The following SYT14 variants were observed in gnomAD, a reference collection of about 807,000 sequenced individuals.
SYT14 encodes synaptotagmin 14.
In SYT14, 32 loss-of-function variants were observed where a neutral mutation model predicts 74.2. The ratio of observed to expected loss-of-function variants is 0.43; its 90% CI spans 0.33 to 0.58. The LOEUF is 0.58. SYT14 is among the 20% of genes least tolerant of loss of function. The probability of loss-of-function intolerance (pLI) is 0.05; values close to 1 mark genes in which losing one functional copy is unlikely to be tolerated. For synonymous variants in SYT14, 298 were observed against 337.7 expected, an observed-to-expected ratio of 0.88 and a Z score of 1.29; for missense variants, 791 against 981.8, an observed-to-expected ratio of 0.81 and a Z score of 2.60.
intron 5 of SYT14, among the ~76,000 whole-genome samples, chr1:210,084,170 A>T (rs2081672563): frequency 6.6e-6 from 1 of 152,220 alleles, no homozygotes; most frequent in South Asian, 2.1e-4. Context: ...ATCCTCAGTC[A>T]TCTGGAGAGA....
chr1:210,166,512 G>A (rs1021225747), exon 10 of SYT14: 3 of 152,084 alleles, frequency 2.0e-5, no homozygotes, highest in Non-Finnish European at 4.4e-5. Flanking sequence ...GCTGCAGTGA[G>A]CCAAGATAGC....
At chr1:210,000,315 A>G (rs1420130712) in intron 2 of SYT14, among the ~76,000 whole-genome samples, 1 of 152,152 alleles carries the variant, frequency 6.6e-6, no homozygotes, top group Non-Finnish European at 1.5e-5. Flanking sequence ...CTGCAAGGGT[A>G]GTAGAGTTGT....
chr1:210,123,496 G>A (rs961923683), intron 7 of SYT14, among the ~76,000 whole-genome samples: 1 of 152,214 alleles, frequency 6.6e-6, no homozygotes, highest in African/African-American at 2.4e-5. Context: ...CCTGTGAGAT[G>A]TATAGTTGTA....
At position 210,106,630 on chromosome 1, in the gene SYT14, G is replaced by A. The variant is rs562283737; in HGVS notation, c.2034+6169G>A. ...TAAAACCATCAGATCTCTTGAGAAC[G>A]AACTCACTCTTATGAGAACAGCATA... On this transcript the variant is annotated intron_variant, in intron 7 of 9. Coordinates refer to ENST00000637265, the Ensembl canonical transcript of SYT14. Among the ~76,000 whole-genome samples the A allele has an allele frequency of 2.0e-3, 304 of 152,220 alleles. 3 individuals carry two copies. The highest frequency in any genetic ancestry group is 7.5e-3 in the South Asian group (36 of 4,824).
In SYT14 at chr1:209,957,247, C is replaced by T. The variant is rs929418798; in HGVS notation, c.-486+4491C>T. Among the ~76,000 whole-genome samples the T allele has an allele frequency of 5.3e-5, 8 of 152,126 alleles. No homozygotes were observed. In the East Asian group the frequency reaches 9.6e-4, roughly 18 times the overall value. On this transcript the variant is annotated intron_variant, in intron 2 of 9. Transcript: ENST00000637265. ...GCTGTCTTCTCTCTTCTCTCTCTCTCGTAGCTTTTCTCTTCCTTTGTTTAC... is the reference window on the plus strand; with the variant it reads ...GCTGTCTTCTCTCTTCTCTCTCTCTTGTAGCTTTTCTCTTCCTTTGTTTAC...
At chr1:209,962,018 A>G (rs2079082556) in intron 2 of SYT14, among the ~76,000 whole-genome samples, 1 of 152,136 alleles carries the variant, frequency 6.6e-6, no homozygotes, top group African/African-American at 2.4e-5. Context: ...ATGCAAATCC[A>G]GTAAAATAAT....
intron 7 of SYT14, among the ~76,000 whole-genome samples, chr1:210,108,736 T>C (rs2082204652): frequency 6.6e-6 from 1 of 151,824 alleles, no homozygotes; most frequent in South Asian, 2.1e-4. Flanking sequence ...ACTTAAATGG[T>C]AGATCATGAA....
chr1:210,052,240 A>G (rs2081009861), intron 5 of SYT14, among the ~76,000 whole-genome samples: 1 of 151,034 alleles, frequency 6.6e-6, no homozygotes, highest in East Asian at 2.0e-4. Flanking sequence ...TTTTTTTCTG[A>G]TACAGAGTCT....
intron 2 of SYT14, among the ~76,000 whole-genome samples, chr1:209,977,632 C>G (rs1009612386): frequency 8.5e-5 from 13 of 152,152 alleles, no homozygotes; most frequent in African/African-American, 3.1e-4. Flanking sequence ...TCTGGCTGCC[C>G]TTAACATTTT....
At chr1:210,046,356 A>G (rs896071796) in intron 5 of SYT14, among the ~76,000 whole-genome samples, 6 of 152,232 alleles carry the variant, frequency 3.9e-5, no homozygotes, top group Admixed American at 6.5e-5. Flanking sequence ...CCTGGGTGAC[A>G]AAACAAGACT....
intron 6 of SYT14, among the ~76,000 whole-genome samples, chr1:210,096,617 AT>A (rs1330010753): frequency 6.6e-6 from 1 of 152,206 alleles, no homozygotes; most frequent in African/African-American, 2.4e-5. Context: ...CAGAGTTGAA[AT>A]TTGAACAAGG....
intron 7 of SYT14, among the ~76,000 whole-genome samples, chr1:210,142,965 A>T (rs1241502837): frequency 6.6e-6 from 1 of 152,210 alleles, no homozygotes; most frequent in East Asian, 1.9e-4. Context: ...ACGGAGAAAA[A>T]TGAGACTTTC....
chr1:209,992,290 G>A (rs2079704589), intron 2 of SYT14, among the ~76,000 whole-genome samples: 1 of 151,976 alleles, frequency 6.6e-6, no homozygotes, highest in African/African-American at 2.4e-5. Flanking sequence ...GACTACAGAT[G>A]CACACCACCA....
chr1:210,158,664 G>A (rs993731809), intron 8 of SYT14, among the ~76,000 whole-genome samples: 2 of 152,106 alleles, frequency 1.3e-5, no homozygotes, highest in Non-Finnish European at 2.9e-5. Context: ...TCAGGTTACA[G>A]AATAGGTATA....
chr1:210,007,679 G>A (rs2080014190), intron 2 of SYT14, among the ~76,000 whole-genome samples: 2 of 151,910 alleles, frequency 1.3e-5, no homozygotes, highest in African/African-American at 4.8e-5. Context: ...ATGTTACTTT[G>A]GTCATATAGC....
At chr1:210,147,275 A>T (rs187519146) in intron 7 of SYT14, among the ~76,000 whole-genome samples, 72 of 152,326 alleles carry the variant, frequency 4.7e-4, no homozygotes, top group Admixed American at 4.2e-3. Context: ...AATGAAAAAT[A>T]TGAAAAAGTT....
At chr1:210,087,859 G>T (rs1423331152) in intron 5 of SYT14, among the ~76,000 whole-genome samples, 1 of 152,152 alleles carries the variant, frequency 6.6e-6, no homozygotes, top group Non-Finnish European at 1.5e-5. Flanking sequence ...GCCACCATCA[G>T]TGCAGCCCTC....
At chr1:210,022,898 G>A (rs972281850) in intron 5 of SYT14, among the ~76,000 whole-genome samples, 2 of 151,888 alleles carry the variant, frequency 1.3e-5, no homozygotes, top group African/African-American at 2.4e-5. Context: ...AGCACTTCTC[G>A]GTAGTTCTGT....
At chr1:210,079,601 T>A (rs768270360) in intron 5 of SYT14, among the ~76,000 whole-genome samples, 8 of 152,160 alleles carry the variant, frequency 5.3e-5, no homozygotes, top group Non-Finnish European at 1.0e-4. Flanking sequence ...GGACTTAGAA[T>A]TTTTACCTCA....
Sources: gnomAD v4.1 joint callset for allele counts (sites outside exome capture counted in the v4.1 genomes callset) on GRCh38, gnomAD v4.1.1 for gene constraint, MANE v1.5 for transcripts, NCBI Gene and HGNC (gene_info 2026-07-23, HGNC 2026-07-21) for gene names.